The following EPHA3 variants were observed in gnomAD, a reference collection of about 807,000 sequenced individuals.
EPHA3 encodes EPH receptor A3.
A neutral mutation model predicts 107.1 loss-of-function variants in EPHA3; 42 were observed. The observed-to-expected ratio is 0.39, with a 90% CI of 0.31 to 0.51. The LOEUF (loss-of-function observed/expected upper bound fraction) is 0.51. Ranked by LOEUF, EPHA3 falls within the 20% of genes least tolerant of loss-of-function variation. The probability of loss-of-function intolerance (pLI) is 0.78; values close to 1 mark genes in which losing one functional copy is unlikely to be tolerated. For synonymous variants in EPHA3, 461 were observed against 424.8 expected, an observed-to-expected ratio of 1.09 and a Z score of -1.05; for missense variants, 1,183 against 1,211.2, an observed-to-expected ratio of 0.98 and a Z score of 0.35.
chr3:89,441,847 A>C (rs563046887), intron 13 of EPHA3, among the ~76,000 whole-genome samples: 174 of 152,310 alleles, frequency 1.1e-3, no homozygotes, highest in African/African-American at 3.9e-3. Flanking sequence ...GCTTAAATGC[A>C]GCAAGTCTTA....
At chr3:89,227,823 A>G (rs938902417) in intron 3 of EPHA3, among the ~76,000 whole-genome samples, 1 of 152,000 alleles carries the variant, frequency 6.6e-6, no homozygotes, top group Non-Finnish European at 1.5e-5. Context: ...TTCCATGTCC[A>G]AGAATGACTC....
chr3:89,345,829 A>G (rs1204956412), intron 5 of EPHA3, among the ~76,000 whole-genome samples: 1 of 120,304 alleles, frequency 8.3e-6, no homozygotes, highest in African/African-American at 3.2e-5. Context: ...ATGTGATCTC[A>G]TTGTTCAATT....
At chr3:89,409,975 G>A (rs1342006819) in intron 9 of EPHA3, among the ~76,000 whole-genome samples, 2 of 151,966 alleles carry the variant, frequency 1.3e-5, no homozygotes, top group East Asian at 3.9e-4. Context: ...GTGTGCATGT[G>A]TTTATTACCT....
At chr3:89,326,493 G>A (rs549798562) in intron 3 of EPHA3, among the ~76,000 whole-genome samples, 5 of 152,100 alleles carry the variant, frequency 3.3e-5, no homozygotes, top group South Asian at 2.1e-4. Flanking sequence ...GGTCTCAGGT[G>A]GTCCTCCCAC....
intron 3 of EPHA3, among the ~76,000 whole-genome samples, chr3:89,243,079 T>C (rs1413742997): frequency 1.3e-5 from 2 of 152,066 alleles, no homozygotes; most frequent in South Asian, 2.1e-4. Context: ...ACAAAGGACA[T>C]GAACTCATCA....
At chr3:89,377,581 GT>G (rs1342077599) in intron 5 of EPHA3, among the ~76,000 whole-genome samples, 1 of 152,052 alleles carries the variant, frequency 6.6e-6, no homozygotes, top group Non-Finnish European at 1.5e-5. Context: ...AAACCCACTC[GT>G]ATTTGGAAAA....
intron 3 of EPHA3, among the ~76,000 whole-genome samples, chr3:89,215,430 TATAA>T (rs1429191204): frequency 1.3e-5 from 2 of 151,874 alleles, no homozygotes; most frequent in African/African-American, 4.8e-5. Context: ...ATAAAAACAA[TATAA>T]ATTTAAACCA....
At chr3:89,110,492 T>G (rs184226533) in intron 1 of EPHA3, among the ~76,000 whole-genome samples, 6 of 152,108 alleles carry the variant, frequency 3.9e-5, no homozygotes, top group African/African-American at 1.4e-4. Context: ...TCTTATATGC[T>G]TTCAAGAAAA....
intron 3 of EPHA3, among the ~76,000 whole-genome samples, chr3:89,221,219 T>C (rs1048181164): frequency 1.3e-5 from 2 of 152,196 alleles, no homozygotes; most frequent in African/African-American, 4.8e-5. Context: ...CTTCTCAGGA[T>C]GTTATTCAAT....
chr3:89,364,607 G>A (rs1245976338), intron 5 of EPHA3, among the ~76,000 whole-genome samples: 1 of 151,144 alleles, frequency 6.6e-6, no homozygotes, highest in Non-Finnish European at 1.5e-5. Context: ...ATAAACCCTT[G>A]TTAAAAAACC....
chr3:89,456,803 T>G lies in EPHA3; in HGVS notation c.2690+6433T>G, dbSNP rs57623607. Among the ~76,000 whole-genome samples the G allele has an allele frequency of 2.0e-3, 308 of 152,288 alleles. 10 individuals carry two copies. The East Asian group carries it at 0.053, about 26-fold the overall frequency. On this transcript the variant is annotated intron_variant, in intron 15 of 16. Coordinates refer to ENST00000336596, the MANE Select transcript of EPHA3 (RefSeq NM_005233.6). Reference sequence around the variant, plus strand: ...TAAAAGTAGAGTAAATCAGAGGAGATGTGAGGGTTTTAAGTTTTGATAGTA... The same window carrying G: ...TAAAAGTAGAGTAAATCAGAGGAGAGGTGAGGGTTTTAAGTTTTGATAGTA...
At chr3:89,410,917 G>A (rs1260721892) in intron 9 of EPHA3, among the ~76,000 whole-genome samples, 1 of 151,838 alleles carries the variant, frequency 6.6e-6, no homozygotes, top group Non-Finnish European at 1.5e-5. Flanking sequence ...ATTAAAGGGT[G>A]ACTCTCCCAT....
chr3:89,127,314 T>G (rs1704115758), intron 2 of EPHA3, 41 bp downstream of exon 2: 1 of 1,472,656 alleles, frequency 6.8e-7, no homozygotes, highest in South Asian at 1.1e-5. Flanking sequence ...TTTTCTCTAT[T>G]ACCTGTCTTA....
chr3:89,341,059 A>G lies in EPHA3; in HGVS notation c.958A>G (p.Met320Val), dbSNP rs1420203186. ...CCGGGCAGACAAAGACCCTCCATCC[A>G]TGGCTTGTACCCGTGAGTAGTTTTG... is the stretch of plus-strand genomic sequence containing the variant. ...YFRADKDPPSMACTRPPSSPR... is the reference protein window; with the variant it reads ...YFRADKDPPSVACTRPPSSPR... Residue 320 changes from methionine (M) to valine (V), a missense_variant, in exon 4 of 17, where the codon ATG becomes GTG. Met to Val is a conservative substitution (Grantham distance 21). Transcript: ENST00000336596. 6 of 1,613,658 alleles carry G rather than the reference A, an allele frequency of 3.7e-6. No homozygotes were observed. Among genetic ancestry groups the G allele is most frequent in the Non-Finnish European group, 5.1e-6 (6 of 1,179,886 alleles).
At chr3:89,124,718 C>T (rs564445805) in intron 1 of EPHA3, among the ~76,000 whole-genome samples, 137 of 152,080 alleles carry the variant, frequency 9.0e-4, no homozygotes, top group South Asian at 1.9e-3. Flanking sequence ...GGTATTTGAA[C>T]ATTACAGCAA....
chr3:89,312,103 C>G (rs1395068015), intron 3 of EPHA3, among the ~76,000 whole-genome samples: 2 of 152,018 alleles, frequency 1.3e-5, no homozygotes, highest in Admixed American at 1.3e-4. Flanking sequence ...CTATGGTCAG[C>G]ACATTACTCC....
Position 89,364,784 on chromosome 3 carries a change from T to G in EPHA3, c.1306+22694T>G, listed in dbSNP as rs111379229. Among the ~76,000 whole-genome samples, 693 of 151,206 alleles carry G rather than the reference T, an allele frequency of 4.6e-3. 19 individuals carry two copies. Among genetic ancestry groups the G allele is most frequent in the Middle Eastern group, 0.017 (5 of 294 alleles). ...TGAAGAGTAATGCTGAGATGGCCAATCAGTGTAATACAGAGATTGTACTTA... is the reference window on the plus strand; with the variant it reads ...TGAAGAGTAATGCTGAGATGGCCAAGCAGTGTAATACAGAGATTGTACTTA... On this transcript the variant is annotated intron_variant, in intron 5 of 16. Transcript: ENST00000336596.
intron 3 of EPHA3, among the ~76,000 whole-genome samples, chr3:89,315,336 C>T (rs979130207): frequency 9.9e-5 from 15 of 151,302 alleles, no homozygotes; most frequent in South Asian, 6.2e-4. Flanking sequence ...TTAAGGAGCA[C>T]GGTTTGTTTC....
At chr3:89,123,060 A>G (rs1707424465) in intron 1 of EPHA3, among the ~76,000 whole-genome samples, 1 of 152,162 alleles carries the variant, frequency 6.6e-6, no homozygotes, top group African/African-American at 2.4e-5. Flanking sequence ...GGCAGAAATG[A>G]CATCTAGGTT....
Sources: gnomAD v4.1 joint callset for allele counts (sites outside exome capture counted in the v4.1 genomes callset) on GRCh38, gnomAD v4.1.1 for gene constraint, MANE v1.5 for transcripts, NCBI Gene and HGNC (gene_info 2026-07-23, HGNC 2026-07-21) for gene names.